The following TAFA1 variants were observed in gnomAD, a reference collection of about 807,000 sequenced individuals.
The protein encoded by TAFA1 is TAFA chemokine like family member 1, also known as chemokine-like protein TAFA-1.
TAFA1 carries 4 observed loss-of-function variants against 18.5 expected under a neutral mutation model. That is an observed-to-expected ratio of 0.22 (90% CI 0.11 to 0.49). The LOEUF is 0.49. TAFA1 is among the 20% of genes least tolerant of loss of function. TAFA1 has a pLI of 0.98. For synonymous variants in TAFA1, 56 were observed against 55.2 expected (o/e 1.01, Z -0.06); for missense variants, 147 against 169.0 (o/e 0.87, Z 0.72).
At chr3:68,304,337 T>C (rs4855328) in intron 2 of TAFA1, among the ~76,000 whole-genome samples, 3,948 of 149,582 alleles carry the variant, frequency 0.026, 91 homozygotes, top group East Asian at 0.12. Flanking sequence ...CAGTGAGAAA[T>C]CTTCTTTGTA....
chr3:68,320,364 A>G (rs1405256119), intron 2 of TAFA1, among the ~76,000 whole-genome samples: 1 of 152,158 alleles, frequency 6.6e-6, no homozygotes, highest in Non-Finnish European at 1.5e-5. Flanking sequence ...TGCTCTGGGC[A>G]AGGAGAGGCT....
At chr3:68,119,083 G>A (rs1419560670) in intron 2 of TAFA1, among the ~76,000 whole-genome samples, 1 of 150,924 alleles carries the variant, frequency 6.6e-6, no homozygotes, top group African/African-American at 2.4e-5. Flanking sequence ...ATACATATAA[G>A]GTAGTATCTC....
intron 2 of TAFA1, among the ~76,000 whole-genome samples, chr3:68,326,623 G>A (rs747897383): frequency 6.6e-6 from 1 of 152,054 alleles, no homozygotes; most frequent in Non-Finnish European, 1.5e-5. Flanking sequence ...ATCAGAATTT[G>A]ATATTTGAAA....
At chr3:68,461,661 C>T (rs2071785118) in intron 3 of TAFA1, among the ~76,000 whole-genome samples, 1 of 151,118 alleles carries the variant, frequency 6.6e-6, no homozygotes, top group Admixed American at 6.6e-5. Flanking sequence ...AGAATGAAAC[C>T]CTGTCTCAGT....
At chr3:68,361,354 A>G (rs944579360) in intron 2 of TAFA1, among the ~76,000 whole-genome samples, 17 of 151,986 alleles carry the variant, frequency 1.1e-4, no homozygotes, top group African/African-American at 4.1e-4. Context: ...TGTGTGAGTG[A>G]GTAGGGTTAC....
At chr3:68,411,724 A>C (rs1401164395) in intron 2 of TAFA1, among the ~76,000 whole-genome samples, 1 of 152,202 alleles carries the variant, frequency 6.6e-6, no homozygotes, top group Admixed American at 6.5e-5. Flanking sequence ...GATAATCCAT[A>C]AAGTCCCACA....
At chr3:68,086,307 A>C (rs2064969413) in intron 2 of TAFA1, among the ~76,000 whole-genome samples, 1 of 152,238 alleles carries the variant, frequency 6.6e-6, no homozygotes, top group African/African-American at 2.4e-5. Flanking sequence ...AGGTGTCAGT[A>C]ACTGTGTAGA....
At chr3:68,065,620 A>G (rs1029852018) in intron 2 of TAFA1, among the ~76,000 whole-genome samples, 1 of 152,040 alleles carries the variant, frequency 6.6e-6, no homozygotes, top group African/African-American at 2.4e-5. Flanking sequence ...GCTGGAGAGT[A>G]CAAATTGTGA....
intron 3 of TAFA1, among the ~76,000 whole-genome samples, chr3:68,418,581 G>A (rs1366473430): frequency 6.6e-6 from 1 of 150,936 alleles, no homozygotes; most frequent in African/African-American, 2.4e-5. Context: ...CAGGCCATCT[G>A]GGTGTGTACG....
intron 2 of TAFA1, among the ~76,000 whole-genome samples, chr3:68,069,242 G>T (rs2064721955): frequency 6.6e-6 from 1 of 152,216 alleles, no homozygotes; most frequent in Non-Finnish European, 1.5e-5. Context: ...AAGGAACTTA[G>T]AGTTCCATGT....
Position 68,263,777 on chromosome 3 carries a change from C to G in TAFA1, c.119-153503C>G, listed in dbSNP as rs532151928. 1.1e-4 allele frequency among the ~76,000 whole-genome samples: 17 copies of G among 152,214 alleles called. No homozygotes were observed. In the South Asian group the frequency reaches 3.5e-3, roughly 32 times the overall value. On this transcript the variant is annotated intron_variant, in intron 2 of 4. Transcript: ENST00000478136. ...GCACCCAGCATCCTTAGTCTATGGTCTAGGTCTTTTTATTACACTATAAAC... is the reference window on the plus strand; with the variant it reads ...GCACCCAGCATCCTTAGTCTATGGTGTAGGTCTTTTTATTACACTATAAAC...
chr3:68,382,774 T>C (rs2070002601), intron 2 of TAFA1, among the ~76,000 whole-genome samples: 1 of 152,184 alleles, frequency 6.6e-6, no homozygotes, highest in Non-Finnish European at 1.5e-5. Context: ...AGAAATAGCA[T>C]TGAATCTACA....
chr3:68,288,718 A>G (rs1370708587), intron 2 of TAFA1, among the ~76,000 whole-genome samples: 1 of 152,228 alleles, frequency 6.6e-6, no homozygotes, highest in African/African-American at 2.4e-5. Flanking sequence ...CATAACAGTG[A>G]GAACTCCATC....
chr3:68,255,508 C>T (rs2067280134), intron 2 of TAFA1, among the ~76,000 whole-genome samples: 1 of 151,928 alleles, frequency 6.6e-6, no homozygotes, highest in African/African-American at 2.4e-5. Flanking sequence ...TTCGATGTGA[C>T]ATTTATTGTG....
At chr3:68,215,858 C>T (rs970047174) in intron 2 of TAFA1, among the ~76,000 whole-genome samples, 2 of 152,052 alleles carry the variant, frequency 1.3e-5, no homozygotes, top group Non-Finnish European at 2.9e-5. Flanking sequence ...AACCCTCACA[C>T]ACATGTTCAT....
rs146619454 is a variant in TAFA1, at chr3:68,020,423, G to A, written c.118+13679G>A. On this transcript the variant is annotated intron_variant, in intron 2 of 4. Coordinates refer to ENST00000478136, the MANE Select transcript of TAFA1 (RefSeq NM_213609.4). ...TGCCTCACCCATAGAGTGGGGGTTT[G>A]TAAAACCCCTACCTTGCCAGCTTAA... is the stretch of plus-strand genomic sequence containing the variant. Among the ~76,000 whole-genome samples the A allele has an allele frequency of 7.9e-3, 1,201 of 152,222 alleles. 15 individuals carry two copies. The highest frequency in any genetic ancestry group is 0.027 in the African/African-American group (1,135 of 41,530).
chr3:68,226,183 A>C (rs2066797771), intron 2 of TAFA1, among the ~76,000 whole-genome samples: 1 of 152,238 alleles, frequency 6.6e-6, no homozygotes, highest in Non-Finnish European at 1.5e-5. Flanking sequence ...TCAGACAATT[A>C]AAAACAAGGG....
chr3:68,366,430 C>T (rs1241927222), intron 2 of TAFA1, among the ~76,000 whole-genome samples: 1 of 152,188 alleles, frequency 6.6e-6, no homozygotes, highest in Non-Finnish European at 1.5e-5. Flanking sequence ...CATAGTCTTC[C>T]TTTAACATCC....
intron 3 of TAFA1, among the ~76,000 whole-genome samples, chr3:68,506,559 T>C (rs1179298049): frequency 1.3e-5 from 2 of 152,156 alleles, no homozygotes; most frequent in Non-Finnish European, 1.5e-5. Flanking sequence ...GGAAACACTG[T>C]GTGGGCATAA....
Sources: gnomAD v4.1 joint callset for allele counts (sites outside exome capture counted in the v4.1 genomes callset) on GRCh38, gnomAD v4.1.1 for gene constraint, MANE v1.5 for transcripts, NCBI Gene and HGNC (gene_info 2026-07-23, HGNC 2026-07-21) for gene names.